CSMD1: variants seen among roughly 807,000 people sequenced by gnomAD.
The protein encoded by CSMD1 is CUB and sushi domain-containing protein 1.
A neutral mutation model predicts 417.5 loss-of-function variants in CSMD1; 213 were observed. That is an observed-to-expected ratio of 0.51 (90% CI 0.46 to 0.57). CSMD1 has a LOEUF of 0.57. CSMD1 is among the 20% of genes least tolerant of loss of function. The pLI is 0.00. For synonymous variants in CSMD1, 2,862 were observed against 1,736.8 expected (o/e 1.65, Z -16.11); for missense variants, 6,923 against 4,529.7 (o/e 1.53, Z -15.17).
rs779662992 is a variant in CSMD1, at chr8:2,954,205, A to C, written c.10039+19T>G. The C allele has an allele frequency of 4.9e-6, 7 of 1,416,616 alleles. No individual in the cohort carries two copies. The highest frequency in any genetic ancestry group is 2.2e-5 in the Admixed American group (1 of 45,166). The allele number at this position is 1,416,616 out of a possible 1,614,324, so 87.8% of individuals were successfully genotyped here. A position where few individuals can be genotyped will look rare whatever the true frequency, so the allele number is the denominator to read the frequency against. On this transcript the variant is annotated intron_variant, in intron 65 of 69. Transcript: ENST00000635120. ...TCACTTTATTGGATTGAAATCTAGAACTGTTCTGGTATACAAACCTGGAGT... is the reference window on the plus strand; with the variant it reads ...TCACTTTATTGGATTGAAATCTAGACCTGTTCTGGTATACAAACCTGGAGT...
intron 3 of CSMD1, among the ~76,000 whole-genome samples, chr8:4,287,983 T>C (rs934540119): frequency 1.3e-5 from 2 of 152,094 alleles, no homozygotes; most frequent in South Asian, 4.1e-4. Context: ...GATAATAAAA[T>C]TAAGGTTTGA....
intron 6 of CSMD1, among the ~76,000 whole-genome samples, chr8:3,751,560 G>A (rs535694478): frequency 6.1e-4 from 91 of 149,970 alleles, no homozygotes; most frequent in Middle Eastern, 3.6e-3. Flanking sequence ...TATAACGTAC[G>A]TACAGTTTAA....
At chr8:3,935,637 T>A (rs1401085404) in intron 5 of CSMD1, among the ~76,000 whole-genome samples, 2 of 152,142 alleles carry the variant, frequency 1.3e-5, no homozygotes, top group Non-Finnish European at 2.9e-5. Flanking sequence ...CCCATATGTG[T>A]CCATATAAGT....
intron 26 of CSMD1, among the ~76,000 whole-genome samples, chr8:3,243,350 A>C (rs1030129536): frequency 6.6e-6 from 1 of 152,180 alleles, no homozygotes; most frequent in Non-Finnish European, 1.5e-5. Flanking sequence ...GACACCACCA[A>C]ACAGGCTTTG....
chr8:3,922,316 T>G (rs1809333779), intron 5 of CSMD1, among the ~76,000 whole-genome samples: 1 of 152,078 alleles, frequency 6.6e-6, no homozygotes, highest in Non-Finnish European at 1.5e-5. Flanking sequence ...TGGATCTTAT[T>G]TATGTCAATT....
rs1298353894 is a variant in CSMD1, at chr8:4,636,585, TCA to T, written c.302+755_302+756del. ...TATCTTTGTTCTTTTTCTCTCAAAC[TCA>T]CAGTTGCTTAAAAACAATGGTGTAT... On this transcript the variant is annotated intron_variant, in intron 2 of 69. Transcript: ENST00000635120. Among the ~76,000 whole-genome samples the T allele has an allele frequency of 3.3e-5, 5 of 152,220 alleles. No individual in the cohort carries two copies. In the South Asian group the frequency reaches 1.0e-3, roughly 31 times the overall value.
chr8:3,996,410 T>C (rs1436840498), intron 5 of CSMD1, among the ~76,000 whole-genome samples: 3 of 151,554 alleles, frequency 2.0e-5, no homozygotes, highest in East Asian at 2.0e-4. Context: ...AGAGCATATG[T>C]ACTAAAGAGA....
intron 1 of CSMD1, among the ~76,000 whole-genome samples, chr8:4,943,044 G>C (rs1371534587): frequency 6.6e-6 from 1 of 152,136 alleles, no homozygotes; most frequent in Non-Finnish European, 1.5e-5. Context: ...ACCAAATCAA[G>C]AAATAGTGAG....
chr8:3,296,734 T>C (rs998073783), intron 25 of CSMD1, among the ~76,000 whole-genome samples: 2 of 152,128 alleles, frequency 1.3e-5, no homozygotes, highest in African/African-American at 4.8e-5. Flanking sequence ...GGTGAGGATG[T>C]GCTGGCCCTG....
chr8:3,075,540 C>G lies in CSMD1; in HGVS notation c.7474+11557G>C, dbSNP rs1318268042. Among the ~76,000 whole-genome samples the G allele has an allele frequency of 2.0e-5, 3 of 151,886 alleles. No individual in the cohort carries two copies. In the East Asian group the frequency reaches 5.9e-4, roughly 30 times the overall value. Reference sequence around the variant, plus strand: ...AGCTGTTCTGTCCACCTAGGCCTCCCAAAGTGCTGGGATGACAGGCATGGA... The same window carrying G: ...AGCTGTTCTGTCCACCTAGGCCTCCGAAAGTGCTGGGATGACAGGCATGGA... On this transcript the variant is annotated intron_variant, in intron 49 of 69. Coordinates refer to ENST00000635120, the MANE Select transcript of CSMD1 (RefSeq NM_033225.6).
intron 7 of CSMD1, 23 bp from the exon 8 acceptor site, chr8:3,616,820 C>T (rs2291221): frequency 0.53 from 822,999 of 1,541,202 alleles, 223,068 homozygotes; most frequent in Middle Eastern, 0.65. Context: ...GAAACATTGT[C>T]AAAATGCTGT....
chr8:4,853,203 C>A (rs1431272653), intron 1 of CSMD1, among the ~76,000 whole-genome samples: 1 of 152,150 alleles, frequency 6.6e-6, no homozygotes, highest in Admixed American at 6.5e-5. Context: ...CTAGCCAAGA[C>A]AATGGGATAA....
intron 3 of CSMD1, among the ~76,000 whole-genome samples, chr8:4,411,818 C>T (rs1054278104): frequency 6.6e-6 from 1 of 152,170 alleles, no homozygotes; most frequent in Non-Finnish European, 1.5e-5. Flanking sequence ...CATAGCTATG[C>T]AAATACTTTT....
chr8:3,798,833 ATGT>A (rs1371340720), intron 5 of CSMD1, among the ~76,000 whole-genome samples: 1 of 151,990 alleles, frequency 6.6e-6, no homozygotes, highest in East Asian at 1.9e-4. Flanking sequence ...ATTTAGTAAA[ATGT>A]TGTATTTTCC....
intron 1 of CSMD1, among the ~76,000 whole-genome samples, chr8:4,934,788 A>G (rs34876599): frequency 6.6e-6 from 1 of 151,884 alleles, no homozygotes; most frequent in African/African-American, 2.4e-5. Flanking sequence ...TCTATCAATC[A>G]TCTATTATCT....
chr8:4,181,765 G>C (rs907158358), intron 3 of CSMD1, among the ~76,000 whole-genome samples: 14 of 152,064 alleles, frequency 9.2e-5, no homozygotes, highest in Non-Finnish European at 1.9e-4. Context: ...TCTTGTCATT[G>C]AAATATTACG....
chr8:4,684,229 T>C (rs1806228240), intron 1 of CSMD1, among the ~76,000 whole-genome samples: 1 of 152,222 alleles, frequency 6.6e-6, no homozygotes, highest in Admixed American at 6.5e-5. Flanking sequence ...ATTTTCTTCT[T>C]TATACTTCGG....
chr8:3,577,328 G>T (rs555057120), intron 9 of CSMD1, among the ~76,000 whole-genome samples: 1 of 152,186 alleles, frequency 6.6e-6, no homozygotes, highest in Non-Finnish European at 1.5e-5. Context: ...GAAGTACCAA[G>T]TTTCACACAA....
Position 3,142,495 on chromosome 8 carries a change from T to G in CSMD1, c.6211A>C (p.Asn2071His), listed in dbSNP as rs1314523298. The G allele has an allele frequency of 1.2e-6, 2 of 1,613,930 alleles. No individual in the cohort carries two copies. Among genetic ancestry groups the G allele is most frequent in the Admixed American group, 1.7e-5 (1 of 60,010 alleles). Residue 2071 changes from asparagine to histidine, a missense_variant, in exon 41 of 70, where the codon AAC becomes CAC. By Grantham distance (68) the Asn-to-His change is moderately conservative (BLOSUM62 1). Transcript: ENST00000635120. ...TAAGCAAGTTTAAATCCTTGCCGGT[T>G]TTGCGAATGGTCACTATAAAAGTGG... The part of the protein sequence containing the change: ...LIHFYSDHSQ[N>H]RQGFKLAYQA...
Sources: gnomAD v4.1 joint callset for allele counts (sites outside exome capture counted in the v4.1 genomes callset) on GRCh38, gnomAD v4.1.1 for gene constraint, MANE v1.5 for transcripts, NCBI Gene and HGNC (gene_info 2026-07-23, HGNC 2026-07-21) for gene names.